The following RBMS3 variants were observed in gnomAD, a reference collection of about 807,000 sequenced individuals.
The protein encoded by RBMS3 is RNA-binding motif, single-stranded-interacting protein 3.
In RBMS3, 27 loss-of-function variants were observed where a neutral mutation model predicts 66.8. That is an observed-to-expected ratio of 0.40 (90% CI 0.30 to 0.56). The LOEUF is 0.56. Ranked by LOEUF, RBMS3 falls within the 20% of genes least tolerant of loss-of-function variation. The pLI, the probability that RBMS3 is intolerant of heterozygous loss-of-function variation, is 0.40. For missense variants in RBMS3, 513 were observed against 549.5 expected, an observed-to-expected ratio of 0.93 and a Z score of 0.66; for synonymous variants, 188 against 183.0, an observed-to-expected ratio of 1.03 and a Z score of -0.22.
At chr3:29,594,614 T>A (rs2149106217) in intron 4 of RBMS3, among the ~76,000 whole-genome samples, 1 of 152,358 alleles carries the variant, frequency 6.6e-6, no homozygotes, top group East Asian at 1.9e-4. Flanking sequence ...TTTCTCATGA[T>A]TGAAAATTTT....
chr3:29,964,375 T>TCCAATCA (rs1696686676), intron 12 of RBMS3, among the ~76,000 whole-genome samples: 1 of 152,006 alleles, frequency 6.6e-6, no homozygotes, highest in Non-Finnish European at 1.5e-5. Flanking sequence ...GAAAGTAGAG[T>TCCAATCA]GGTATGATAG....
At chr3:29,767,934 G>T (rs1204732852) in intron 6 of RBMS3, among the ~76,000 whole-genome samples, 3 of 151,850 alleles carry the variant, frequency 2.0e-5, no homozygotes, top group Admixed American at 2.0e-4. Flanking sequence ...GCTGAGAAGA[G>T]GTAACAAATA....
intron 8 of RBMS3, among the ~76,000 whole-genome samples, chr3:29,895,893 G>C (rs1238558572): frequency 1.3e-5 from 2 of 150,118 alleles, no homozygotes; most frequent in Non-Finnish European, 3.0e-5. Flanking sequence ...TCAGCTGTTA[G>C]TATTGTCTTT....
chr3:29,401,239 T>C (rs1193539096), intron 1 of RBMS3, among the ~76,000 whole-genome samples: 1 of 152,056 alleles, frequency 6.6e-6, no homozygotes, highest in Admixed American at 6.6e-5. Flanking sequence ...TCATTTATTG[T>C]CAAAATAGCT....
chr3:29,625,078 C>T (rs2049010679), intron 4 of RBMS3, among the ~76,000 whole-genome samples: 1 of 152,136 alleles, frequency 6.6e-6, no homozygotes, highest in African/African-American at 2.4e-5. Context: ...CACTCCCACC[C>T]TCTCTGTCTC....
intron 4 of RBMS3, among the ~76,000 whole-genome samples, chr3:29,624,771 TATG>T (rs2048998307): frequency 6.6e-6 from 1 of 152,172 alleles, no homozygotes; most frequent in Admixed American, 6.5e-5. Flanking sequence ...ATTTTCAGTA[TATG>T]ATGATACCTT....
intron 8 of RBMS3, among the ~76,000 whole-genome samples, chr3:29,886,199 C>T (rs1445813844): frequency 6.6e-6 from 1 of 151,842 alleles, no homozygotes; most frequent in East Asian, 1.9e-4. Context: ...TATTTTTCAA[C>T]TTTGCTCAGT....
At chr3:29,769,301 C>T (rs2056085690) in intron 6 of RBMS3, among the ~76,000 whole-genome samples, 1 of 151,766 alleles carries the variant, frequency 6.6e-6, no homozygotes, top group Non-Finnish European at 1.5e-5. Context: ...TTAGGGCAGC[C>T]ATAAAGCCAG....
At chr3:29,989,687 G>C (rs999590311) in intron 13 of RBMS3, among the ~76,000 whole-genome samples, 1 of 152,236 alleles carries the variant, frequency 6.6e-6, no homozygotes, top group Non-Finnish European at 1.5e-5. Flanking sequence ...GAGTTCCAAT[G>C]TTTAAATCTT....
At chr3:29,620,626 A>G (rs1256235479) in intron 4 of RBMS3, among the ~76,000 whole-genome samples, 1 of 152,122 alleles carries the variant, frequency 6.6e-6, no homozygotes, top group African/African-American at 2.4e-5. Context: ...GGCATTTAAA[A>G]GTGTGTTTTA....
At chr3:29,933,861 A>G (rs1171008974) in intron 10 of RBMS3, 3 of 152,114 alleles carry the variant, frequency 2.0e-5, no homozygotes, top group Non-Finnish European at 4.4e-5. Context: ...TCTGTAATCA[A>G]ATGAGTCCCC....
chr3:29,731,823 C>T (rs757523667), intron 4 of RBMS3, among the ~76,000 whole-genome samples: 2 of 152,082 alleles, frequency 1.3e-5, no homozygotes, highest in Admixed American at 1.3e-4. Context: ...CACTCCCTCT[C>T]GTGCACTCTG....
At chr3:29,764,136 A>C (rs2055823080) in intron 6 of RBMS3, among the ~76,000 whole-genome samples, 1 of 152,002 alleles carries the variant, frequency 6.6e-6, no homozygotes, top group African/African-American at 2.4e-5. Context: ...GGGGATGTCA[A>C]GAATGCAGAA....
At chr3:29,532,250 ATATATATATATG>A (rs58702709) in intron 3 of RBMS3, among the ~76,000 whole-genome samples, 5,115 of 97,708 alleles carry the variant, frequency 0.052, 345 homozygotes, top group African/African-American at 0.17. Context: ...ATATATGTAT[ATATATATATATG>A]TATATATATA....
chr3:29,367,261 T>C (rs2037959999), intron 1 of RBMS3, among the ~76,000 whole-genome samples: 1 of 152,154 alleles, frequency 6.6e-6, no homozygotes. Flanking sequence ...AAATAATATG[T>C]AAGTATTCAG....
chr3:29,497,574 A>G (rs1175611030), intron 3 of RBMS3, among the ~76,000 whole-genome samples: 1 of 152,116 alleles, frequency 6.6e-6, no homozygotes, highest in African/African-American at 2.4e-5. Context: ...ATTGCTTCCA[A>G]AAGTCACCTT....
intron 14 of RBMS3, among the ~76,000 whole-genome samples, chr3:29,995,100 CA>C (rs1336339674): frequency 1.3e-5 from 2 of 152,256 alleles, no homozygotes; most frequent in Non-Finnish European, 2.9e-5. Flanking sequence ...AGCTGAAAAC[CA>C]AGGCTCAAGA....
intron 3 of RBMS3, among the ~76,000 whole-genome samples, chr3:29,492,719 T>C (rs1382275475): frequency 6.6e-6 from 1 of 151,598 alleles, no homozygotes; most frequent in Non-Finnish European, 1.5e-5. Flanking sequence ...AGGAAGGATA[T>C]GGGAGAAAAA....
intron 10 of RBMS3, among the ~76,000 whole-genome samples, chr3:29,908,733 A>G (rs968884918): frequency 6.6e-5 from 10 of 152,270 alleles, no homozygotes; most frequent in African/African-American, 2.4e-4. Flanking sequence ...AATAATAAAA[A>G]CAAATATTCT....
Sources: allele counts gnomAD v4.1 joint callset (sites outside exome capture counted in the v4.1 genomes callset), GRCh38; gene constraint gnomAD v4.1.1; transcripts MANE v1.5; gene names NCBI Gene and HGNC (gene_info 2026-07-23, HGNC 2026-07-21).